Variants in HYDIN observed in about 807,000 individuals in gnomAD.
HYDIN encodes axonemal central pair apparatus protein HYDIN.
In HYDIN, 132 loss-of-function variants were observed where a neutral mutation model predicts 403.9. The observed-to-expected ratio is 0.33, with a 90% CI of 0.28 to 0.38. HYDIN has a LOEUF of 0.38. HYDIN is among the 10% of genes least tolerant of loss of function. The pLI, the probability that HYDIN is intolerant of heterozygous loss-of-function variation, is 1.00. For missense variants in HYDIN, 2,827 were observed against 5,009.5 expected (o/e 0.56, Z 13.15); for synonymous variants, 1,202 against 1,891.7 (o/e 0.64, Z 9.46).
rs1321810936 is a variant in HYDIN, at chr16:70,981,516, C to A, written c.4385G>T (p.Gly1462Val). 6.2e-7 allele frequency: 1 copy of A among 1,613,260 alleles called. No homozygotes were observed. The highest frequency in any genetic ancestry group is 8.5e-7 in the Non-Finnish European group (1 of 1,179,786). The change falls in exon 29 of 86, where the codon GGA (glycine) becomes GTA (valine). Residue 1462 changes from glycine to valine, a missense_variant. Physicochemically the swap from Gly to Val is moderately radical, Grantham distance 109. Coordinates refer to ENST00000393567, the MANE Select transcript of HYDIN (RefSeq NM_001270974.2). The part of the protein sequence containing the change: ...EQVLKVYYLP[G>V]VPEVFKRSFQ... ...ACTCCTTTTAAAGACCTCAGGTACT[C>A]CAGGTAGGTAGTAAACTTTTAATAC...
chr16:70,856,675 C>T (rs1222468878), intron 72 of HYDIN, among the ~76,000 whole-genome samples: 3 of 152,084 alleles, frequency 2.0e-5, no homozygotes, highest in African/African-American at 4.8e-5. Context: ...TGAAACGTAC[C>T]ACTGTTGAAT....
At chr16:71,130,763 C>T (rs1181362570) in intron 8 of HYDIN, among the ~76,000 whole-genome samples, 2 of 152,092 alleles carry the variant, frequency 1.3e-5, no homozygotes, top group African/African-American at 4.8e-5. Context: ...GCTGGGATTA[C>T]AGGCGTGAGC....
intron 29 of HYDIN, among the ~76,000 whole-genome samples, chr16:70,980,671 G>C (rs866726494): frequency 6.6e-6 from 1 of 151,744 alleles, no homozygotes; most frequent in African/African-American, 2.4e-5. Flanking sequence ...TGGGTGGGAG[G>C]ACTTAGTCTG....
chr16:71,136,742 T>G (rs1397573547), intron 8 of HYDIN, among the ~76,000 whole-genome samples: 2 of 134,746 alleles, frequency 1.5e-5, no homozygotes, highest in East Asian at 4.3e-4. Context: ...ACACCAGCCC[T>G]GGCGACAGTA....
chr16:71,163,562 C>T (rs1021096685), intron 5 of HYDIN, among the ~76,000 whole-genome samples: 2 of 152,160 alleles, frequency 1.3e-5, no homozygotes, highest in Non-Finnish European at 2.9e-5. Flanking sequence ...CAGTTTCAAG[C>T]TGAGACCTCA....
intron 1 of HYDIN, among the ~76,000 whole-genome samples, chr16:71,212,051 A>C (rs1341663005): frequency 6.6e-6 from 1 of 152,232 alleles, no homozygotes; most frequent in African/African-American, 2.4e-5. Flanking sequence ...CAACTGTTCT[A>C]CACCAAAAAA....
rs1386401621 is a variant in HYDIN, at chr16:71,024,407, T to G, written c.3186+976A>C. On this transcript the variant is annotated intron_variant, in intron 21 of 85. Transcript: ENST00000393567. ...AACTTGAGGCACTTGCTCAAGAAAG[T>G]CATTCATGACCACATGGACGAACAA... is the stretch of plus-strand genomic sequence containing the variant. Among the ~76,000 whole-genome samples, 5 of 152,070 alleles carry G rather than the reference T, an allele frequency of 3.3e-5. No individual in the cohort carries two copies. In the East Asian group the frequency reaches 5.8e-4, roughly 18 times the overall value.
intron 43 of HYDIN, among the ~76,000 whole-genome samples, chr16:70,940,639 T>C (rs1415819586): frequency 2.6e-5 from 4 of 152,226 alleles, no homozygotes; most frequent in Non-Finnish European, 5.9e-5. Flanking sequence ...AAATGAGCTT[T>C]CTGGAAAACT....
rs71302043 is a variant in HYDIN, at chr16:71,168,319, C to CAA, written c.517-5591_517-5590dup. ...AGGCAACAAGAGCAAAACCCTGCTT[C>CAA]AAAAAAAAAAAAAAAAAAAAGTATA... On this transcript the variant is annotated intron_variant, in intron 5 of 85. Transcript: ENST00000393567. Among the ~76,000 whole-genome samples, 443 of 86,438 alleles carry CAA rather than the reference C, an allele frequency of 5.1e-3. 2 individuals carry two copies. Among genetic ancestry groups the CAA allele is most frequent in the East Asian group, 0.024 (70 of 2,946 alleles). The allele number at this position is 86,438 out of a possible 152,430, so 56.7% of individuals were successfully genotyped here. A position where few individuals can be genotyped will look rare whatever the true frequency, so the allele number is the denominator to read the frequency against.
Position 71,102,315 on chromosome 16 carries a change from A to G in HYDIN, c.1328-8380T>C, listed in dbSNP as rs577950080. ...TACTATTATTCCTTATATCTTAACT[A>G]TATAATACAAATATTATTTTGTGTA... On this transcript the variant is annotated intron_variant, in intron 10 of 85. Transcript: ENST00000393567. 2.3e-3 allele frequency among the ~76,000 whole-genome samples: 352 copies of G among 152,200 alleles called. 5 individuals are homozygous for G. Among genetic ancestry groups the G allele is most frequent in the African/African-American group, 7.9e-3 (327 of 41,550 alleles).
rs1472314163 is a variant in HYDIN, at chr16:70,806,343, G to A, written c.*1237C>T. Reference sequence around the variant, plus strand: ...ACTATTGTAAAGGTCTGTGTTTACAGACATTCTAGAAAAAGCTTTTTTGGT... The same window carrying A: ...ACTATTGTAAAGGTCTGTGTTTACAAACATTCTAGAAAAAGCTTTTTTGGT... On this transcript the variant is annotated 3_prime_UTR_variant, in exon 86 of 86. Transcript: ENST00000393567. Among the ~76,000 whole-genome samples the A allele has an allele frequency of 6.6e-6, 1 of 151,578 alleles. No individual in the cohort carries two copies. Among genetic ancestry groups the A allele is most frequent in the African/African-American group, 2.4e-5 (1 of 40,854 alleles).
At chr16:71,126,220 C>T (rs2084449361) in intron 9 of HYDIN, among the ~76,000 whole-genome samples, 1 of 152,190 alleles carries the variant, frequency 6.6e-6, no homozygotes, top group African/African-American at 2.4e-5. Flanking sequence ...AGCTCCTTCC[C>T]TAATGGTCTG....
At position 70,805,580 on chromosome 16, in the gene HYDIN, GA is replaced by G. The variant is rs1217952641; in HGVS notation, c.*1999del. ...ATCTGTTTCAGTAAGCCCTCCAGGG[GA>G]TGCTGATGTATACTAATATTTCAGA... is the stretch of plus-strand genomic sequence containing the variant. On this transcript the variant is annotated 3_prime_UTR_variant, in exon 86 of 86. Transcript: ENST00000393567. 6.6e-6 allele frequency among the ~76,000 whole-genome samples: 1 copy of G among 152,240 alleles called. No homozygotes were observed. The highest frequency in any genetic ancestry group is 1.5e-5 in the Non-Finnish European group (1 of 68,040).
At chr16:71,012,290 C>T (rs1039808009) in intron 23 of HYDIN, among the ~76,000 whole-genome samples, 6 of 152,248 alleles carry the variant, frequency 3.9e-5, no homozygotes, top group South Asian at 2.1e-4. Flanking sequence ...TGGCCAGCCC[C>T]GGCACTTCCT....
intron 1 of HYDIN, among the ~76,000 whole-genome samples, chr16:71,227,969 ACC>A (rs1434822460): frequency 1.3e-5 from 2 of 152,150 alleles, no homozygotes; most frequent in African/African-American, 4.8e-5. Context: ...AGAGATATAG[ACC>A]AATGGAACAG....
At chr16:70,891,210 A>AG (rs2041446063) in intron 57 of HYDIN, among the ~76,000 whole-genome samples, 2 of 152,046 alleles carry the variant, frequency 1.3e-5, no homozygotes, top group Admixed American at 1.3e-4. Flanking sequence ...TTTTTTTGAG[A>AG]CAGAGTCTCG....
chr16:71,151,636 C>T (rs1440984056), intron 7 of HYDIN, among the ~76,000 whole-genome samples: 2 of 151,588 alleles, frequency 1.3e-5, no homozygotes, highest in East Asian at 3.9e-4. Flanking sequence ...CCCGGCTGTG[C>T]GCCTCTGTTT....
chr16:70,810,131 T>C, intron 84 of HYDIN, 124 bp from the exon 85 acceptor site: 2 of 888,454 alleles, frequency 2.3e-6, no homozygotes, highest in Non-Finnish European at 3.6e-6. Flanking sequence ...CATGCTGTTC[T>C]TGCTCCTGGG....
rs1388506735 is a variant in HYDIN, at chr16:71,178,642, C to A, written c.381+286G>T. Among the ~76,000 whole-genome samples, 7 of 152,040 alleles carry A rather than the reference C, an allele frequency of 4.6e-5. No individual in the cohort carries two copies. The East Asian group carries it at 7.7e-4, about 17-fold the overall frequency. ...TAAAAACCTAGCCCAATTTGTCATA[C>A]ATAAGAACCCCGTGACATTCATCTG... On this transcript the variant is annotated intron_variant, in intron 4 of 85. Transcript: ENST00000393567.
Sources: gnomAD v4.1 joint callset for allele counts (sites outside exome capture counted in the v4.1 genomes callset) on GRCh38, gnomAD v4.1.1 for gene constraint, MANE v1.5 for transcripts, NCBI Gene and HGNC (gene_info 2026-07-23, HGNC 2026-07-21) for gene names.